PCSK5: variants seen among roughly 807,000 people sequenced by gnomAD.
PCSK5 encodes proprotein convertase subtilisin/kexin type 5.
PCSK5 carries 129 observed loss-of-function variants against 233.2 expected under a neutral mutation model. The ratio of observed to expected loss-of-function variants is 0.55; its 90% CI spans 0.48 to 0.64. PCSK5 has a LOEUF of 0.64. PCSK5 is among the 30% of genes least tolerant of loss of function. The pLI is 0.00. For synonymous variants in PCSK5, 825 were observed against 879.2 expected (o/e 0.94, Z 1.09); for missense variants, 2,076 against 2,430.1 (o/e 0.85, Z 3.06).
chr9:76,219,697 G>A (rs1450923522), intron 20 of PCSK5, among the ~76,000 whole-genome samples: 1 of 152,154 alleles, frequency 6.6e-6, no homozygotes, highest in African/African-American at 2.4e-5. Flanking sequence ...CTCAGCAGCG[G>A]CTTCCCCTCT....
intron 9 of PCSK5, among the ~76,000 whole-genome samples, chr9:76,120,760 A>G (rs1832600795): frequency 6.6e-6 from 1 of 151,456 alleles, no homozygotes; most frequent in African/African-American, 2.4e-5. Flanking sequence ...TCATATTCTT[A>G]TTGGATAGTG....
chr9:75,971,623 A>G (rs1825819016), intron 2 of PCSK5, among the ~76,000 whole-genome samples: 2 of 152,290 alleles, frequency 1.3e-5, no homozygotes, highest in South Asian at 4.1e-4. Context: ...AATGATCACC[A>G]TTCTAACTGG....
At chr9:76,261,605 T>C (rs962670689) in intron 24 of PCSK5, among the ~76,000 whole-genome samples, 1 of 152,196 alleles carries the variant, frequency 6.6e-6, no homozygotes, top group Non-Finnish European at 1.5e-5. Context: ...TACAAAACGC[T>C]GTCAAAAGAA....
At chr9:76,150,219 C>T (rs1823612475) in intron 10 of PCSK5, among the ~76,000 whole-genome samples, 1 of 152,156 alleles carries the variant, frequency 6.6e-6, no homozygotes, top group Non-Finnish European at 1.5e-5. Context: ...GCCCAGGAGA[C>T]AGTATCTGGA....
intron 22 of PCSK5, among the ~76,000 whole-genome samples, chr9:76,233,925 T>G (rs1213210260): frequency 6.6e-6 from 1 of 152,054 alleles, no homozygotes; most frequent in Non-Finnish European, 1.5e-5. Flanking sequence ...GAGGTAAAAG[T>G]GAAGACCTGG....
chr9:76,183,747 T>C (rs538890625), intron 16 of PCSK5, among the ~76,000 whole-genome samples: 13 of 152,340 alleles, frequency 8.5e-5, no homozygotes, highest in Admixed American at 4.6e-4. Flanking sequence ...CACTAAGCTG[T>C]GTTTCTCTAT....
chr9:76,069,739 G>C (rs2131599160), intron 6 of PCSK5, among the ~76,000 whole-genome samples: 1 of 152,206 alleles, frequency 6.6e-6, no homozygotes, highest in Non-Finnish European at 1.5e-5. Flanking sequence ...TTGGCATTTA[G>C]AACACTAGTG....
At chr9:75,971,501 A>G (rs1246503544) in intron 2 of PCSK5, among the ~76,000 whole-genome samples, 1 of 152,172 alleles carries the variant, frequency 6.6e-6, no homozygotes, top group African/African-American at 2.4e-5. Context: ...TCTTTGAGGA[A>G]TTGCTACACT....
intron 9 of PCSK5, among the ~76,000 whole-genome samples, chr9:76,123,825 A>C (rs2131722077): frequency 6.6e-6 from 1 of 152,352 alleles, no homozygotes; most frequent in South Asian, 2.1e-4. Flanking sequence ...GAAGGACGAC[A>C]AGTCTAGTGT....
intron 36 of PCSK5, among the ~76,000 whole-genome samples, chr9:76,353,547 G>C (rs960790026): frequency 1.3e-5 from 2 of 152,224 alleles, no homozygotes; most frequent in African/African-American, 4.8e-5. Context: ...ATGTCAAATA[G>C]AAGAGTGGAA....
chr9:75,959,231 A>C (rs1415201342), intron 2 of PCSK5, among the ~76,000 whole-genome samples: 1 of 152,212 alleles, frequency 6.6e-6, no homozygotes, highest in African/African-American at 2.4e-5. Context: ...AAAACATTGA[A>C]GTGGCTCAAG....
intron 5 of PCSK5, among the ~76,000 whole-genome samples, chr9:76,055,074 T>G (rs1413829904): frequency 6.6e-6 from 1 of 152,148 alleles, no homozygotes; most frequent in Non-Finnish European, 1.5e-5. Flanking sequence ...TCTTAAAATA[T>G]TGTACATTAT....
At chr9:76,233,431 T>G (rs778643131) in intron 21 of PCSK5, 29 bp from the exon 22 acceptor site, 3 of 1,611,656 alleles carry the variant, frequency 1.9e-6, no homozygotes. Flanking sequence ...GTCACCCTGA[T>G]GAATTCTAAA....
intron 24 of PCSK5, among the ~76,000 whole-genome samples, chr9:76,248,999 G>T (rs1490130851): frequency 6.6e-6 from 1 of 152,296 alleles, no homozygotes; most frequent in East Asian, 1.9e-4. Flanking sequence ...CTGGCCTCAA[G>T]CAGTCCTCCC....
chr9:75,895,340 T>A (rs1825762598), intron 1 of PCSK5, among the ~76,000 whole-genome samples: 1 of 152,206 alleles, frequency 6.6e-6, no homozygotes, highest in African/African-American at 2.4e-5. Flanking sequence ...GCGAAAGGTT[T>A]GTTTAATCTG....
chr9:75,946,204 C>T (rs1824558949), intron 2 of PCSK5, among the ~76,000 whole-genome samples: 1 of 152,196 alleles, frequency 6.6e-6, no homozygotes, highest in African/African-American at 2.4e-5. Flanking sequence ...CTTTATTCTT[C>T]TAGTACTGAC....
chr9:75,952,969 G>T (rs1587412002), intron 2 of PCSK5, among the ~76,000 whole-genome samples: 1 of 152,258 alleles, frequency 6.6e-6, no homozygotes, highest in East Asian at 1.9e-4. Flanking sequence ...GTTTCCAGGG[G>T]TATGAACTCT....
At position 75,899,961 on chromosome 9, in the gene PCSK5, A is replaced by G. The variant is rs371112315; in HGVS notation, c.192+8588A>G. 1.1e-4 allele frequency among the ~76,000 whole-genome samples: 17 copies of G among 152,254 alleles called. 1 individual carries two copies. The East Asian group carries it at 2.3e-3, about 21-fold the overall frequency. ...AGTGCTATAGAAAGAATCCAGGAGG[A>G]TGTGTGTAAAGTGATAAGGAGGCTT... On this transcript the variant is annotated intron_variant, in intron 1 of 37. Transcript: ENST00000674117.
intron 1 of PCSK5, among the ~76,000 whole-genome samples, chr9:75,930,404 C>G (rs73650410): frequency 6.6e-6 from 1 of 152,114 alleles, no homozygotes; most frequent in East Asian, 1.9e-4. Context: ...GCCCCTAGGT[C>G]GGAGGAGGAG....
Sources: allele counts gnomAD v4.1 joint callset (sites outside exome capture counted in the v4.1 genomes callset), GRCh38; gene constraint gnomAD v4.1.1; transcripts MANE v1.5; gene names NCBI Gene and HGNC (gene_info 2026-07-23, HGNC 2026-07-21).